Variants in CES5A observed in about 807,000 individuals in gnomAD.
CES5A encodes the protein carboxylesterase 5A.
In CES5A, 67 loss-of-function variants were observed where a neutral mutation model predicts 62.9. That is an observed-to-expected ratio of 1.07 (90% CI 0.88 to 1.31). The LOEUF (loss-of-function observed/expected upper bound fraction) is 1.31. Ranked by LOEUF, CES5A falls within the 50% of genes most tolerant of loss-of-function variation. CES5A has a pLI of 0.00. For missense variants in CES5A, 748 were observed against 708.5 expected (o/e 1.06, Z -0.63); for synonymous variants, 296 against 280.8 (o/e 1.05, Z -0.54).
chr16:55,882,902 G>A (rs566062712), intron 1 of CES5A, among the ~76,000 whole-genome samples: 2 of 152,310 alleles, frequency 1.3e-5, no homozygotes, highest in South Asian at 4.1e-4. Flanking sequence ...AGTTGTAAAT[G>A]TAACATGTGA....
chr16:55,878,898 T>C (rs569818550), upstream of CES5A, among the ~76,000 whole-genome samples: 49 of 123,702 alleles, frequency 4.0e-4, no homozygotes, highest in African/African-American at 1.5e-3. Context: ...TTAACCACCA[T>C]CACTGCACCC....
rs566392977 is a variant in CES5A, at chr16:55,863,324, G to A, written c.810+24C>T. 27 of 1,180,874 alleles carry A rather than the reference G, an allele frequency of 2.3e-5. 1 individual carries two copies. The South Asian group carries it at 2.9e-4, about 13-fold the overall frequency. 73.1% of individuals were successfully genotyped at this position (1,180,874 alleles called of 1,614,324 possible). On this transcript the variant is annotated intron_variant, in intron 6 of 12. Coordinates refer to ENST00000290567, the MANE Select transcript of CES5A (RefSeq NM_001143685.2). The stretch of plus-strand genomic sequence containing the variant: ...TCTGCTAACTGAGGAGAGGAAGGTG[G>A]CAAGGTGTTAACAGTATACGTACGT...
intron 1 of CES5A, among the ~76,000 whole-genome samples, chr16:55,915,603 C>G (rs1393606927): frequency 3.3e-5 from 5 of 152,206 alleles, no homozygotes; most frequent in South Asian, 2.1e-4. Context: ...ATTGTGCTAA[C>G]AACAAGGTCT....
intron 1 of CES5A, among the ~76,000 whole-genome samples, chr16:55,906,812 G>A (rs1378671849): frequency 6.6e-6 from 1 of 152,166 alleles, no homozygotes; most frequent in Non-Finnish European, 1.5e-5. Context: ...GGACCACCTT[G>A]GCTAAAAGCT....
chr16:55,945,872 C>T (rs2078698432), intron 2 of CES5A, among the ~76,000 whole-genome samples: 1 of 152,106 alleles, frequency 6.6e-6, no homozygotes, highest in South Asian at 2.1e-4. Context: ...CTCAGTCAGG[C>T]TCTTGATCGG....
At chr16:55,940,956 TA>T (rs138356809) in intron 2 of CES5A, among the ~76,000 whole-genome samples, 56 of 147,434 alleles carry the variant, frequency 3.8e-4, no homozygotes, top group Admixed American at 8.8e-4. Context: ...CAATTCATGA[TA>T]AAAAAAAAAC....
chr16:55,931,826 C>T (rs991237486), intron 2 of CES5A, among the ~76,000 whole-genome samples: 5 of 152,336 alleles, frequency 3.3e-5, no homozygotes, highest in Non-Finnish European at 7.3e-5. Flanking sequence ...CTTGGGCATG[C>T]TGTGTCTCTG....
At chr16:55,910,403 G>A (rs2034081686) in intron 1 of CES5A, among the ~76,000 whole-genome samples, 1 of 152,178 alleles carries the variant, frequency 6.6e-6, no homozygotes, top group African/African-American at 2.4e-5. Context: ...ACCTCTTCCA[G>A]GAAGCCTTCT....
chr16:55,952,529 G>A (rs557187067), intron 1 of CES5A, among the ~76,000 whole-genome samples: 41 of 152,198 alleles, frequency 2.7e-4, no homozygotes, highest in Admixed American at 1.4e-3. Context: ...TGGCAAGACC[G>A]AGTGTGAGAA....
intron 11 of CES5A, among the ~76,000 whole-genome samples, chr16:55,847,771 T>C (rs1450237793): frequency 1.3e-5 from 2 of 152,354 alleles, no homozygotes; most frequent in South Asian, 2.1e-4. Flanking sequence ...ATATATAATG[T>C]ATATGTCATA....
chr16:55,894,846 C>A (rs1484173507), intron 1 of CES5A, among the ~76,000 whole-genome samples: 1 of 151,962 alleles, frequency 6.6e-6, no homozygotes, highest in African/African-American at 2.4e-5. Context: ...CCTCCTGGGA[C>A]AAAGAATAGA....
upstream of CES5A, among the ~76,000 whole-genome samples, chr16:55,927,326 C>A (rs575954699): frequency 6.6e-5 from 10 of 152,220 alleles, no homozygotes; most frequent in South Asian, 1.5e-3. Flanking sequence ...AGTAAATAGA[C>A]AACCTACAGA....
chr16:55,906,874 T>C (rs778164357), intron 1 of CES5A, among the ~76,000 whole-genome samples: 3 of 152,134 alleles, frequency 2.0e-5, no homozygotes, highest in African/African-American at 7.2e-5. Context: ...AAGTTCTGGG[T>C]CAGATGAATC....
At chr16:55,907,003 T>G (rs2034045949) in intron 1 of CES5A, among the ~76,000 whole-genome samples, 2 of 152,218 alleles carry the variant, frequency 1.3e-5, no homozygotes, top group African/African-American at 4.8e-5. Flanking sequence ...TTGTAAAGAT[T>G]AAAAAGTTAT....
At chr16:55,947,690 T>C (rs534944635) in intron 2 of CES5A, among the ~76,000 whole-genome samples, 43 of 152,044 alleles carry the variant, frequency 2.8e-4, no homozygotes, top group Non-Finnish European at 5.1e-4. Flanking sequence ...TCAGATAAGA[T>C]CACATTTGAA....
At chr16:55,887,652 A>G (rs2033830637) in intron 1 of CES5A, among the ~76,000 whole-genome samples, 1 of 152,118 alleles carries the variant, frequency 6.6e-6, no homozygotes, top group East Asian at 1.9e-4. Flanking sequence ...ACCAGCATGA[A>G]GACTATGTGA....
At chr16:55,948,426 G>A (rs2034519938) in intron 2 of CES5A, among the ~76,000 whole-genome samples, 1 of 152,128 alleles carries the variant, frequency 6.6e-6, no homozygotes, top group Admixed American at 6.6e-5. Context: ...ACACAGTACA[G>A]GAAGAAGTCG....
At chr16:55,950,920 G>T (rs1439285525) in intron 1 of CES5A, among the ~76,000 whole-genome samples, 1 of 151,742 alleles carries the variant, frequency 6.6e-6, no homozygotes, top group South Asian at 2.1e-4. Flanking sequence ...GGCTAACACG[G>T]TAAAACCCCA....
At chr16:55,905,212 C>T (rs2034028580) in intron 1 of CES5A, among the ~76,000 whole-genome samples, 1 of 152,150 alleles carries the variant, frequency 6.6e-6, no homozygotes, top group Admixed American at 6.5e-5. Context: ...CCAGGCTCTG[C>T]ATCCAGGCTT....
Sources: gnomAD v4.1 joint callset for allele counts (sites outside exome capture counted in the v4.1 genomes callset) on GRCh38, gnomAD v4.1.1 for gene constraint, MANE v1.5 for transcripts, NCBI Gene and HGNC (gene_info 2026-07-23, HGNC 2026-07-21) for gene names.